Variants in TBL1X observed in about 807,000 individuals in gnomAD.
The protein encoded by TBL1X is F-box-like/WD repeat-containing protein TBL1X.
Under a neutral mutation model 50.7 loss-of-function variants are expected in TBL1X, and 10 were observed. The ratio of observed to expected loss-of-function variants is 0.20; its 90% CI spans 0.12 to 0.33. The LOEUF is 0.33. Among genes scored for constraint, TBL1X ranks in the 10% least tolerant of loss-of-function variants. TBL1X has a pLI of 1.00. For synonymous variants in TBL1X, 190 were observed against 214.7 expected, an observed-to-expected ratio of 0.88 and a Z score of 1.01; for missense variants, 340 against 504.4, an observed-to-expected ratio of 0.67 and a Z score of 3.12.
chrX:9,703,808 A>T (rs1204424379), intron 12 of TBL1X, among the ~76,000 whole-genome samples: 1 of 112,077 alleles, frequency 8.9e-6, no homozygotes, highest in Non-Finnish European at 1.9e-5. Context: ...GTCAACCTGC[A>T]GCTGCACATC....
intron 1 of TBL1X, among the ~76,000 whole-genome samples, chrX:9,474,965 CTGGGT>C: frequency 8.9e-6 from 1 of 112,315 alleles, no homozygotes; most frequent in African/African-American, 3.2e-5. Flanking sequence ...CCTCCGCCTC[CTGGGT>C]TCAAGCAATT....
chrX:9,670,965 A>G (rs1439934236), intron 5 of TBL1X, among the ~76,000 whole-genome samples: 2 of 112,355 alleles, frequency 1.8e-5, no homozygotes, highest in Non-Finnish European at 3.8e-5. Context: ...ATAATAAAAT[A>G]AGGAAGACCT....
chrX:9,689,007 CGTGTATGTGTGCGTGTGT>C (rs2083079980), intron 7 of TBL1X, among the ~76,000 whole-genome samples: 1 of 110,584 alleles, frequency 9.0e-6, no homozygotes, highest in South Asian at 3.5e-4. Flanking sequence ...CATGCGTGTG[CGTGTATGTGTGCGTGTGT>C]GCGTGTGTGC....
At chrX:9,535,598 C>G (rs1698293416) in intron 2 of TBL1X, among the ~76,000 whole-genome samples, 1 of 112,430 alleles carries the variant, frequency 8.9e-6, no homozygotes, top group Non-Finnish European at 1.9e-5. Flanking sequence ...AGAAGTCTTT[C>G]TGGTTTTGTG....
intron 5 of TBL1X, among the ~76,000 whole-genome samples, chrX:9,670,684 G>A (rs771623734): frequency 2.7e-5 from 3 of 112,434 alleles, no homozygotes; most frequent in Non-Finnish European, 5.6e-5. Context: ...GTTTCCTAGG[G>A]CCATGGAATG....
chrX:9,501,181 C>T (rs919142064), intron 1 of TBL1X, among the ~76,000 whole-genome samples: 4 of 111,992 alleles, frequency 3.6e-5, no homozygotes, highest in African/African-American at 1.3e-4. Context: ...ACTTTGCAGT[C>T]AGACTGACGT....
chrX:9,575,557 A>G (rs2082407065), intron 2 of TBL1X, among the ~76,000 whole-genome samples: 1 of 111,813 alleles, frequency 8.9e-6, no homozygotes, highest in South Asian at 3.7e-4. Context: ...TCATAGCCAG[A>G]TTATACTATC....
chrX:9,466,187 G>A (rs1479479848), intron 1 of TBL1X, among the ~76,000 whole-genome samples: 1 of 112,178 alleles, frequency 8.9e-6, no homozygotes, highest in East Asian at 2.8e-4. Flanking sequence ...CGGGTGGGGT[G>A]GGTCTCGCAG....
intron 11 of TBL1X, among the ~76,000 whole-genome samples, chrX:9,694,677 T>C (rs1040717383): frequency 3.6e-5 from 4 of 111,983 alleles, no homozygotes; most frequent in Non-Finnish European, 7.5e-5. Context: ...CTGAAAGTTA[T>C]AAAATGATAG....
intron 2 of TBL1X, among the ~76,000 whole-genome samples, chrX:9,595,517 A>G (rs1016237658): frequency 1.8e-5 from 2 of 111,999 alleles, no homozygotes; most frequent in African/African-American, 6.5e-5. Context: ...CATAATAAAT[A>G]ATTCCCTCCT....
Position 9,495,840 on chromosome X carries a change from G to C in TBL1X, c.-200-5940G>C, listed in dbSNP as rs780511528. On this transcript the variant is annotated intron_variant, in intron 1 of 17. Transcript: ENST00000645353. Reference sequence around the variant, plus strand: ...AAAACTGGCACTGTGAATAGACTGCGAAAAGGACACTTGTTTACGGAGTGA... The same window carrying C: ...AAAACTGGCACTGTGAATAGACTGCCAAAAGGACACTTGTTTACGGAGTGA... Among the ~76,000 whole-genome samples the C allele has an allele frequency of 1.1e-4, 12 of 111,134 alleles. No homozygotes were observed. In the East Asian group the frequency reaches 3.1e-3, roughly 29 times the overall value.
intron 1 of TBL1X, among the ~76,000 whole-genome samples, chrX:9,473,358 G>A (rs968424325): frequency 3.6e-5 from 4 of 112,051 alleles, no homozygotes; most frequent in African/African-American, 1.3e-4. Flanking sequence ...CCAGCTCCAT[G>A]TTGATAAAAA....
intron 2 of TBL1X, among the ~76,000 whole-genome samples, chrX:9,533,975 C>T (rs1486267137): frequency 9.0e-6 from 1 of 111,401 alleles, no homozygotes; most frequent in Non-Finnish European, 1.9e-5. Context: ...TTGCCGTGCC[C>T]AGTGCTTGGG....
At chrX:9,585,259 C>T (rs2082462252) in intron 2 of TBL1X, among the ~76,000 whole-genome samples, 1 of 110,338 alleles carries the variant, frequency 9.1e-6, no homozygotes, top group Admixed American at 9.6e-5. Flanking sequence ...CCAGAATCCG[C>T]ACCTGGATGC....
chrX:9,693,966 G>A (rs887046819), intron 11 of TBL1X, among the ~76,000 whole-genome samples: 9 of 111,647 alleles, frequency 8.1e-5, no homozygotes, highest in Admixed American at 4.8e-4. Context: ...AGGGAGACAC[G>A]GTAGTGTTAA....
chrX:9,464,598 C>G (rs1263822030), upstream of TBL1X, among the ~76,000 whole-genome samples: 2 of 110,644 alleles, frequency 1.8e-5, no homozygotes, highest in Non-Finnish European at 3.8e-5. Context: ...TAGCAGTGAT[C>G]GAGGTTCCCC....
chrX:9,495,239 A>G (rs757459675), intron 1 of TBL1X, among the ~76,000 whole-genome samples: 6 of 111,718 alleles, frequency 5.4e-5, no homozygotes, highest in Non-Finnish European at 1.1e-4. Flanking sequence ...GAGCGCAGCT[A>G]TCCTACAAGT....
chrX:9,632,804 G>T (rs1351641375), intron 2 of TBL1X, among the ~76,000 whole-genome samples: 1 of 112,071 alleles, frequency 8.9e-6, no homozygotes, highest in Non-Finnish European at 1.9e-5. Flanking sequence ...CGGTTAGCTT[G>T]TGGAAAAGAT....
rs1225144066 is a variant in TBL1X, at chrX:9,709,730, G to A, written c.1409G>A (p.Ser470Asn). The A allele has an allele frequency of 9.1e-6, 11 of 1,208,491 alleles. No homozygotes were observed. The highest frequency in any genetic ancestry group is 1.1e-5 in the Non-Finnish European group (10 of 894,218). The change falls in exon 15 of 18, where the codon AGC becomes AAC. Residue 470 changes from serine to asparagine, a missense_variant. Ser to Asn is a conservative substitution (Grantham distance 46). Transcript: ENST00000645353. ...IKWSPTGPAT[S>N]NPNSNIMLAS... ...TGGAGCCCCACTGGGCCCGCCACCA[G>A]CAACCCAAACTCCAACATCATGTTG...
Sources: gnomAD v4.1 joint callset for allele counts (sites outside exome capture counted in the v4.1 genomes callset) on GRCh38, gnomAD v4.1.1 for gene constraint, MANE v1.5 for transcripts, NCBI Gene and HGNC (gene_info 2026-07-23, HGNC 2026-07-21) for gene names.